ZNRF1: variants seen among roughly 807,000 people sequenced by gnomAD.
ZNRF1 encodes the protein zinc and ring finger 1, also known as E3 ubiquitin-protein ligase ZNRF1.
A neutral mutation model predicts 18.4 loss-of-function variants in ZNRF1; 3 were observed. That is an observed-to-expected ratio of 0.16 (90% CI 0.07 to 0.42). ZNRF1 has a LOEUF of 0.42. Ranked by LOEUF, ZNRF1 falls within the 10% of genes least tolerant of loss-of-function variation. ZNRF1 has a pLI of 0.99. For synonymous variants in ZNRF1, 157 were observed against 144.2 expected, an observed-to-expected ratio of 1.09 and a Z score of -0.64; for missense variants, 310 against 329.8, an observed-to-expected ratio of 0.94 and a Z score of 0.47.
Position 75,108,392 on chromosome 16 carries a change from A to G in ZNRF1, c.*692A>G. ...TCCGGTCAGTTCAGAGGATTTAACAATCACAAGTGTCCTGCAAAAATGCCT... is the reference window on the plus strand; with the variant it reads ...TCCGGTCAGTTCAGAGGATTTAACAGTCACAAGTGTCCTGCAAAAATGCCT... On this transcript the variant is annotated 3_prime_UTR_variant, in exon 5 of 5. Transcript: ENST00000335325. 1 of 391,870 alleles carries G rather than the reference A, an allele frequency of 2.6e-6. No individual in the cohort carries two copies. The highest frequency in any genetic ancestry group is 3.6e-5 in the East Asian group (1 of 27,612). 24.3% of individuals were successfully genotyped at this position (391,870 alleles called of 1,614,324 possible).
chr16:75,004,732 G>C (rs2034896389), intron 1 of ZNRF1, among the ~76,000 whole-genome samples: 1 of 152,258 alleles, frequency 6.6e-6, no homozygotes, highest in Non-Finnish European at 1.5e-5. Context: ...TCCCATCTCA[G>C]CTTCCAGAGT....
chr16:75,002,916 C>G (rs185819657), intron 1 of ZNRF1, among the ~76,000 whole-genome samples: 2 of 152,110 alleles, frequency 1.3e-5, no homozygotes, highest in Admixed American at 1.3e-4. Context: ...AAAAATTGGC[C>G]CCTCCGGTTA....
rs1306519631 is a variant in ZNRF1 at position 74,999,271 on chromosome 16, C to T, written c.-401C>T. ...CGCCCCCGGCCCTCCTCCGCCTCCT[C>T]CCGCGGGGCGGGCGGCCTCCTCCGG... On this transcript the variant is annotated 5_prime_UTR_variant, in exon 1 of 5. Transcript: ENST00000335325. The T allele has an allele frequency of 1.4e-5, 2 of 146,048 alleles. No homozygotes were observed. Among genetic ancestry groups the T allele is most frequent in the African/African-American group, 5.0e-5 (2 of 39,992 alleles). The allele number at this position is 146,048 out of a possible 1,614,324, so 9.0% of individuals were successfully genotyped here. A position where few individuals can be genotyped will look rare whatever the true frequency, so the allele number is the denominator to read the frequency against.
At chr16:75,020,649 C>G (rs1274937123) in intron 1 of ZNRF1, among the ~76,000 whole-genome samples, 1 of 152,056 alleles carries the variant, frequency 6.6e-6, no homozygotes, top group Non-Finnish European at 1.5e-5. Context: ...TCACGCCATT[C>G]TCTTGCTTCA....
At position 75,062,737 on chromosome 16, in the gene ZNRF1, C is replaced by T. The variant is rs188143531; in HGVS notation, c.425-30835C>T. ...TGGGGCTGGTGCTTGCTAGGAGAGG[C>T]GTCCGGAGGGCCTGGCCGTATGACA... is the stretch of plus-strand genomic sequence containing the variant. On this transcript the variant is annotated intron_variant, in intron 1 of 4. Coordinates refer to ENST00000335325, the MANE Select transcript of ZNRF1 (RefSeq NM_032268.5). Among the ~76,000 whole-genome samples, 13 of 152,294 alleles carry T rather than the reference C, an allele frequency of 8.5e-5. No homozygotes were observed. In the East Asian group the frequency reaches 1.4e-3, roughly 16 times the overall value.
At chr16:75,043,789 A>G (rs1385496090) in intron 1 of ZNRF1, among the ~76,000 whole-genome samples, 1 of 18,694 alleles carries the variant, frequency 5.3e-5, no homozygotes, top group African/African-American at 1.1e-4. Flanking sequence ...CTTGCTTTGT[A>G]CTTTTTTTTT....
chr16:75,102,200 C>G (rs1296143032), intron 2 of ZNRF1, among the ~76,000 whole-genome samples: 1 of 152,104 alleles, frequency 6.6e-6, no homozygotes, highest in Non-Finnish European at 1.5e-5. Flanking sequence ...TTTATGGGCC[C>G]CAGGTGTTTG....
chr16:75,005,015 A>G (rs773345456), intron 1 of ZNRF1, among the ~76,000 whole-genome samples: 3 of 152,076 alleles, frequency 2.0e-5, no homozygotes, highest in Non-Finnish European at 4.4e-5. Flanking sequence ...ATTTTCTTTT[A>G]TTGTTAGCTA....
intron 2 of ZNRF1, among the ~76,000 whole-genome samples, chr16:75,094,800 C>T (rs1415310694): frequency 6.6e-6 from 1 of 152,212 alleles, no homozygotes; most frequent in Non-Finnish European, 1.5e-5. Context: ...AAACCATGTT[C>T]ATCAGAAAAC....
At chr16:75,072,026 C>A (rs1390928227) in intron 1 of ZNRF1, among the ~76,000 whole-genome samples, 1 of 152,112 alleles carries the variant, frequency 6.6e-6, no homozygotes, top group Non-Finnish European at 1.5e-5. Context: ...TCAGCCTCAA[C>A]CTCCTGAGCT....
At position 75,077,793 on chromosome 16, in the gene ZNRF1, T is replaced by C. The variant is rs781506132; in HGVS notation, c.425-15779T>C. Among the ~76,000 whole-genome samples, 9 of 152,334 alleles carry C rather than the reference T, an allele frequency of 5.9e-5. 1 individual carries two copies. In the South Asian group the frequency reaches 1.7e-3, roughly 28 times the overall value. On this transcript the variant is annotated intron_variant, in intron 1 of 4. Transcript: ENST00000335325. ...TTCCCAGCTCCTGGAGGCCACGCTTTCCTTGGCTCATGGTCCCTTCCTCTA... is the reference window on the plus strand; with the variant it reads ...TTCCCAGCTCCTGGAGGCCACGCTTCCCTTGGCTCATGGTCCCTTCCTCTA...
intron 1 of ZNRF1, among the ~76,000 whole-genome samples, chr16:75,009,120 T>G (rs897809010): frequency 6.6e-6 from 1 of 152,212 alleles, no homozygotes; most frequent in Non-Finnish European, 1.5e-5. Flanking sequence ...GATTCACCAC[T>G]TTTTAAATCT....
chr16:75,090,406 C>T (rs530586237), intron 1 of ZNRF1, among the ~76,000 whole-genome samples: 3 of 152,170 alleles, frequency 2.0e-5, no homozygotes, highest in South Asian at 2.1e-4. Flanking sequence ...TTGTGGAGAA[C>T]GGGGTCTCAC....
intron 1 of ZNRF1, among the ~76,000 whole-genome samples, chr16:75,027,090 C>G (rs978578429): frequency 1.3e-5 from 2 of 151,782 alleles, no homozygotes; most frequent in African/African-American, 2.4e-5. Context: ...GGGAACTCAG[C>G]CAGTGTTACA....
At chr16:75,051,050 CAA>C (rs2035595264) in intron 1 of ZNRF1, among the ~76,000 whole-genome samples, 1 of 17,792 alleles carries the variant, frequency 5.6e-5, no homozygotes, top group Non-Finnish European at 5.7e-4. Context: ...AAAAAAAAAA[CAA>C]AACCTGGGTG....
At chr16:75,073,974 ACC>A (rs2035906236) in intron 1 of ZNRF1, among the ~76,000 whole-genome samples, 1 of 152,024 alleles carries the variant, frequency 6.6e-6, no homozygotes, top group South Asian at 2.1e-4. Flanking sequence ...TGCTTAAAAT[ACC>A]CTAACTTTCA....
At chr16:75,086,173 G>A (rs2036071541) in intron 1 of ZNRF1, among the ~76,000 whole-genome samples, 1 of 152,126 alleles carries the variant, frequency 6.6e-6, no homozygotes, top group Non-Finnish European at 1.5e-5. Flanking sequence ...TTCAAATGCT[G>A]ATCTCATCTG....
At chr16:75,087,691 A>T (rs1177036383) in intron 1 of ZNRF1, among the ~76,000 whole-genome samples, 1 of 152,142 alleles carries the variant, frequency 6.6e-6, no homozygotes, top group Non-Finnish European at 1.5e-5. Flanking sequence ...TCCTCATCTG[A>T]ACATACTGGC....
chr16:75,094,951 A>T (rs901924467), intron 2 of ZNRF1, among the ~76,000 whole-genome samples: 3 of 152,144 alleles, frequency 2.0e-5, no homozygotes, highest in Non-Finnish European at 2.9e-5. Context: ...GGATCACGCA[A>T]CCAGCCCAGC....
Sources: gnomAD v4.1 joint callset for allele counts (sites outside exome capture counted in the v4.1 genomes callset) on GRCh38, gnomAD v4.1.1 for gene constraint, MANE v1.5 for transcripts, NCBI Gene and HGNC (gene_info 2026-07-23, HGNC 2026-07-21) for gene names.